The following ZDHHC17 variants were observed in gnomAD, a reference collection of about 807,000 sequenced individuals.
The protein encoded by ZDHHC17 is palmitoyltransferase ZDHHC17.
Under a neutral mutation model 90.3 loss-of-function variants are expected in ZDHHC17, and 40 were observed. The ratio of observed to expected loss-of-function variants is 0.44; its 90% CI spans 0.34 to 0.58. The LOEUF is 0.58. ZDHHC17 is among the 20% of genes least tolerant of loss of function. The probability of loss-of-function intolerance (pLI) is 0.01; values close to 1 mark genes in which losing one functional copy is unlikely to be tolerated. For synonymous variants in ZDHHC17, 235 were observed against 252.4 expected (o/e 0.93, Z 0.65); for missense variants, 614 against 780.8 (o/e 0.79, Z 2.55).
intron 2 of ZDHHC17, among the ~76,000 whole-genome samples, chr12:76,800,888 T>TTC (rs1156378787): frequency 2.1e-5 from 3 of 143,802 alleles, no homozygotes; most frequent in African/African-American, 7.8e-5. Context: ...GCCATTTCTT[T>TTC]TTTTTTTTTT....
chr12:76,824,670 C>A (rs1330300495), intron 8 of ZDHHC17, among the ~76,000 whole-genome samples: 2 of 151,576 alleles, frequency 1.3e-5, no homozygotes, highest in Admixed American at 6.6e-5. Flanking sequence ...TTGAATACTG[C>A]TGGTAGACAG....
intron 1 of ZDHHC17, among the ~76,000 whole-genome samples, chr12:76,787,409 T>C (rs766314358): frequency 1.1e-4 from 16 of 152,224 alleles, no homozygotes; most frequent in Non-Finnish European, 1.9e-4. Context: ...TTTATCCATA[T>C]ACAGTGTTAT....
At chr12:76,833,312 G>C (rs1953326767) in intron 10 of ZDHHC17, among the ~76,000 whole-genome samples, 1 of 152,178 alleles carries the variant, frequency 6.6e-6, no homozygotes, top group South Asian at 2.1e-4. Context: ...CTGAGGCTCT[G>C]AGAAGTTGTT....
intron 1 of ZDHHC17, among the ~76,000 whole-genome samples, chr12:76,775,250 T>G (rs1952545795): frequency 6.6e-6 from 1 of 152,206 alleles, no homozygotes. Flanking sequence ...TCCAGTAAGA[T>G]CAAGAAAATC....
At chr12:76,828,242 A>T (rs532611170) in intron 9 of ZDHHC17, 148 bp from the exon 10 acceptor site, 2 of 564,148 alleles carry the variant, frequency 3.5e-6, no homozygotes, top group Admixed American at 3.8e-5. Context: ...ATTTTTATTG[A>T]TTACTATGAA....
At chr12:76,798,642 G>A (rs1952851348) in intron 2 of ZDHHC17, among the ~76,000 whole-genome samples, 1 of 152,160 alleles carries the variant, frequency 6.6e-6, no homozygotes, top group African/African-American at 2.4e-5. Context: ...ATGAAGAAAA[G>A]AGGTTTAATT....
At chr12:76,785,274 T>C (rs1417490200) in intron 1 of ZDHHC17, among the ~76,000 whole-genome samples, 1 of 152,206 alleles carries the variant, frequency 6.6e-6, no homozygotes, top group African/African-American at 2.4e-5. Flanking sequence ...CTAGATGATA[T>C]CATCATTTAC....
intron 1 of ZDHHC17, among the ~76,000 whole-genome samples, chr12:76,779,558 C>G (rs576747683): frequency 2.6e-4 from 40 of 152,270 alleles, no homozygotes; most frequent in Non-Finnish European, 4.9e-4. Flanking sequence ...CTACCAATTC[C>G]CTCCCATGAC....
At chr12:76,837,337 CTA>C (rs1953378438) in intron 10 of ZDHHC17, among the ~76,000 whole-genome samples, 1 of 151,982 alleles carries the variant, frequency 6.6e-6, no homozygotes, top group Non-Finnish European at 1.5e-5. Flanking sequence ...TCTACAAAAA[CTA>C]AAAAAATTAG....
At chr12:76,770,124 G>C (rs191619889) in intron 1 of ZDHHC17, among the ~76,000 whole-genome samples, 215 of 152,308 alleles carry the variant, frequency 1.4e-3, no homozygotes, top group South Asian at 0.011. Context: ...CCTACTTTAT[G>C]AGGCTGTTGT....
At chr12:76,795,384 A>G (rs1400711259) in intron 1 of ZDHHC17, among the ~76,000 whole-genome samples, 1 of 152,154 alleles carries the variant, frequency 6.6e-6, no homozygotes, top group Non-Finnish European at 1.5e-5. Context: ...CCAAGTGTAC[A>G]TTGTAGAGAG....
chr12:76,827,104 T>A (rs1953238825), intron 9 of ZDHHC17, 54 bp downstream of exon 9: 2 of 1,479,894 alleles, frequency 1.4e-6, no homozygotes, highest in Non-Finnish European at 1.8e-6. Context: ...TAATATAATT[T>A]GTACTCTTGT....
At position 76,822,504 on chromosome 12, in the gene ZDHHC17, C is replaced by T. The variant is rs1428281698; in HGVS notation, c.870C>T (p.Ser290=). 2 of 1,607,364 alleles carry T rather than the reference C, an allele frequency of 1.2e-6. No homozygotes were observed. The highest frequency in any genetic ancestry group is 1.7e-6 in the Non-Finnish European group (2 of 1,176,584). The change falls in exon 8 of 17, where the codon TCC becomes TCT. Residue 290 remains serine, a synonymous_variant. Transcript: ENST00000426126. ...ARQAKGYDNP[S]FLRKLKADKE... ...AAGCAAAAGGATATGACAATCCGTC[C>T]TTCCTTAGAAAGCTGAAAGCTGATA...
At chr12:76,788,224 G>C (rs1223202532) in intron 1 of ZDHHC17, among the ~76,000 whole-genome samples, 1 of 152,160 alleles carries the variant, frequency 6.6e-6, no homozygotes, top group Non-Finnish European at 1.5e-5. Context: ...ATTGCATGTT[G>C]GCTCTTAAAC....
chr12:76,809,706 G>A lies in ZDHHC17; in HGVS notation c.399-7G>A. 6.8e-7 allele frequency: 1 copy of A among 1,465,654 alleles called. No homozygotes were observed. 90.8% of individuals were successfully genotyped at this position (1,465,654 alleles called of 1,614,324 possible). On this transcript the variant is annotated splice_polypyrimidine_tract_variant and splice_region_variant and intron_variant, in intron 4 of 16. Transcript: ENST00000426126. ...TATATCTAAGTGTTTATTCTTTTAT[G>A]TTTTAGACAAGGCCATCTATCCATG... is the stretch of plus-strand genomic sequence containing the variant.
At position 76,801,915 on chromosome 12, in the gene ZDHHC17, C is replaced by G. The variant is rs1592475013; in HGVS notation, c.198-3402C>G. On this transcript the variant is annotated intron_variant, in intron 2 of 16. Coordinates refer to ENST00000426126, the MANE Select transcript of ZDHHC17 (RefSeq NM_015336.4). ...CACACAGACCAAAATTACAATAATA[C>G]TAGTGCTTAATAATTTTTAAATTAA... is the stretch of plus-strand genomic sequence containing the variant. 2.0e-5 allele frequency among the ~76,000 whole-genome samples: 3 copies of G among 152,228 alleles called. No homozygotes were observed. In the South Asian group the frequency reaches 6.2e-4, roughly 32 times the overall value.
At chr12:76,824,150 T>C (rs1953202555) in intron 8 of ZDHHC17, among the ~76,000 whole-genome samples, 1 of 152,184 alleles carries the variant, frequency 6.6e-6, no homozygotes. Flanking sequence ...TGCATTAATA[T>C]GTAAAGTTAC....
intron 7 of ZDHHC17, chr12:76,820,962 T>G (rs760691923): frequency 1.4e-6 from 1 of 740,336 alleles, no homozygotes; most frequent in Non-Finnish European, 2.0e-6. Context: ...TGAGTGTTTA[T>G]TTTACCAGCT....
chr12:76,777,282 T>C (rs567843522), intron 1 of ZDHHC17, among the ~76,000 whole-genome samples: 1 of 152,354 alleles, frequency 6.6e-6, no homozygotes, highest in African/African-American at 2.4e-5. Flanking sequence ...AGTGGGATCA[T>C]GTAGTATGTA....
Sources: gnomAD v4.1 joint callset for allele counts (sites outside exome capture counted in the v4.1 genomes callset) on GRCh38, gnomAD v4.1.1 for gene constraint, MANE v1.5 for transcripts, NCBI Gene and HGNC (gene_info 2026-07-23, HGNC 2026-07-21) for gene names.